ANKRD13C: variants seen among roughly 807,000 people sequenced by gnomAD.
ANKRD13C encodes ankyrin repeat domain 13C.
Under a neutral mutation model 65.5 loss-of-function variants are expected in ANKRD13C, and 16 were observed. The observed-to-expected ratio is 0.24, with a 90% CI of 0.17 to 0.37. The LOEUF (loss-of-function observed/expected upper bound fraction) is 0.37. Among genes scored for constraint, ANKRD13C ranks in the 10% least tolerant of loss-of-function variants. The probability of loss-of-function intolerance (pLI) is 1.00; values close to 1 mark genes in which losing one functional copy is unlikely to be tolerated. For missense variants in ANKRD13C, 503 were observed against 655.9 expected, an observed-to-expected ratio of 0.77 and a Z score of 2.55; for synonymous variants, 235 against 238.7, an observed-to-expected ratio of 0.98 and a Z score of 0.14.
At chr1:70,274,469 A>G (rs1188257795) in intron 11 of ANKRD13C, among the ~76,000 whole-genome samples, 3 of 128,378 alleles carry the variant, frequency 2.3e-5, no homozygotes, top group African/African-American at 7.0e-5. Flanking sequence ...GCAAGACTCC[A>G]TCTCAAAAAA....
In ANKRD13C at chr1:70,354,093, C is replaced by A; in HGVS notation, c.316G>T (p.Asp106Tyr). The change falls in exon 1 of 13, where the codon GAT becomes TAT. Residue 106 changes from aspartate to tyrosine, a missense_variant. Physicochemically the swap from Asp to Tyr is radical, Grantham distance 160. This residue lies in a region of ANKRD13C where 203 missense variants were observed against 177.6 expected (regional missense o/e 1.14). Transcript: ENST00000370944. ...TAGTGTGCGGGGCAACTGCCTCCAT[C>A]CGCGACGACAGCAACGGGGTTGGTG... ...AGTNPVAVVA[D>Y]GGSCPAHYPV... The A allele has an allele frequency of 6.2e-7, 1 of 1,612,350 alleles. No individual in the cohort carries two copies.
At chr1:70,344,991 GTTTC>G (rs1486701208) in intron 1 of ANKRD13C, among the ~76,000 whole-genome samples, 1 of 152,058 alleles carries the variant, frequency 6.6e-6, no homozygotes, top group African/African-American at 2.4e-5. Context: ...AATAAATTAT[GTTTC>G]TTTAATGTCT....
intron 10 of ANKRD13C, among the ~76,000 whole-genome samples, 192 bp downstream of exon 10, chr1:70,276,573 G>GGTA (rs1264469620): frequency 1.3e-5 from 2 of 152,230 alleles, no homozygotes; most frequent in Admixed American, 6.5e-5. Context: ...TTTGCAAAGA[G>GGTA]GGTACATAAT....
chr1:70,278,724 A>G (rs1679252327), intron 9 of ANKRD13C, among the ~76,000 whole-genome samples: 1 of 152,208 alleles, frequency 6.6e-6, no homozygotes, highest in South Asian at 2.1e-4. Context: ...TGAGCCATAT[A>G]TTAGAGTTGT....
intron 11 of ANKRD13C, among the ~76,000 whole-genome samples, chr1:70,271,428 C>A (rs1427966214): frequency 6.6e-6 from 1 of 152,078 alleles, no homozygotes; most frequent in Non-Finnish European, 1.5e-5. Flanking sequence ...AGTCATTATG[C>A]TATAATTTCT....
intron 12 of ANKRD13C, among the ~76,000 whole-genome samples, chr1:70,269,299 T>G (rs1307031270): frequency 3.3e-5 from 5 of 152,238 alleles, no homozygotes; most frequent in African/African-American, 1.2e-4. Context: ...CAGACTTTTT[T>G]CTTCTCATAT....
intron 12 of ANKRD13C, 107 bp from the exon 13 acceptor site, chr1:70,262,954 A>AAAC: frequency 1.1e-6 from 1 of 923,160 alleles, no homozygotes; most frequent in East Asian, 3.5e-5. Flanking sequence ...AAAAAAAAAA[A>AAAC]AAAAAATACT....
In ANKRD13C at chr1:70,316,665, A is replaced by T. The variant is rs114170107; in HGVS notation, c.578-1099T>A. On this transcript the variant is annotated intron_variant, in intron 3 of 12. Transcript: ENST00000370944. ...ACCACTGCACTCCAGCCTGGGTGAC[A>T]GAGCAAGACACTGTGCCTGTAATTA... Among the ~76,000 whole-genome samples the T allele has an allele frequency of 3.7e-3, 570 of 152,288 alleles. 4 individuals carry two copies. The highest frequency in any genetic ancestry group is 0.013 in the African/African-American group (521 of 41,574).
chr1:70,269,738 A>G (rs1678794666), intron 12 of ANKRD13C, among the ~76,000 whole-genome samples: 1 of 152,184 alleles, frequency 6.6e-6, no homozygotes, highest in South Asian at 2.1e-4. Flanking sequence ...TCAAAAAAAA[A>G]AAAAAAAGTC....
At chr1:70,267,514 C>T (rs1190173490) in intron 12 of ANKRD13C, among the ~76,000 whole-genome samples, 1 of 152,126 alleles carries the variant, frequency 6.6e-6, no homozygotes, top group African/African-American at 2.4e-5. Context: ...GCTGGGATTA[C>T]AGGGATGAGC....
At chr1:70,309,352 C>T (rs75207515) in intron 5 of ANKRD13C, among the ~76,000 whole-genome samples, 29,517 of 149,288 alleles carry the variant, frequency 0.2, 2,984 homozygotes, top group Middle Eastern at 0.29. Flanking sequence ...GGGATTACGG[C>T]GTGAGCCACT....
intron 2 of ANKRD13C, among the ~76,000 whole-genome samples, chr1:70,335,064 T>G (rs1269751089): frequency 2.6e-5 from 4 of 152,178 alleles, no homozygotes. Flanking sequence ...AAAAAAATCT[T>G]AACAGAAGTT....
chr1:70,340,354 C>G (rs7535744), intron 1 of ANKRD13C, among the ~76,000 whole-genome samples: 1,624 of 152,212 alleles, frequency 0.011, 28 homozygotes, highest in African/African-American at 0.037. Context: ...CCTAATATAT[C>G]TACCTTTTTA....
chr1:70,263,191 A>C (rs1678461950), intron 12 of ANKRD13C, among the ~76,000 whole-genome samples: 1 of 151,984 alleles, frequency 6.6e-6, no homozygotes, highest in Non-Finnish European at 1.5e-5. Flanking sequence ...TTGCATTCTG[A>C]CTTTTTTCTC....
rs140251294 is a variant in ANKRD13C at position 70,325,894 on chromosome 1, A to T, written c.473-937T>A. ...ATTCCATCTCAAAATAAAATAAAAT[A>T]AAAATTAAAAAATAAAAAGTTCACT... On this transcript the variant is annotated intron_variant, in intron 2 of 12. Transcript: ENST00000370944. 3.0e-3 allele frequency among the ~76,000 whole-genome samples: 454 copies of T among 151,900 alleles called. 5 individuals carry two copies. Among genetic ancestry groups the T allele is most frequent in the African/African-American group, 0.01 (432 of 41,444 alleles).
intron 2 of ANKRD13C, among the ~76,000 whole-genome samples, chr1:70,335,181 C>A (rs1478179118): frequency 2.6e-5 from 4 of 151,852 alleles, no homozygotes; most frequent in Non-Finnish European, 5.9e-5. Context: ...CCGAGGCAGG[C>A]GGATCATGAG....
At chr1:70,288,735 CAG>C (rs1679730828) in intron 9 of ANKRD13C, among the ~76,000 whole-genome samples, 1 of 152,072 alleles carries the variant, frequency 6.6e-6, no homozygotes, top group African/African-American at 2.4e-5. Context: ...GCATAAGGGA[CAG>C]AGAGAGGCTA....
chr1:70,261,300 T>C lies in ANKRD13C; in HGVS notation c.*1417A>G, dbSNP rs1434990281. 1 of 152,100 alleles carries C rather than the reference T, an allele frequency of 6.6e-6. No individual in the cohort carries two copies. Among genetic ancestry groups the C allele is most frequent in the Non-Finnish European group, 1.5e-5 (1 of 67,940 alleles). 9.4% of individuals were successfully genotyped at this position (152,100 alleles called of 1,614,324 possible). On this transcript the variant is annotated 3_prime_UTR_variant, in exon 13 of 13. Transcript: ENST00000370944. ...TTATGCTTTGGATTTTTAAATCATA[T>C]TTTCAATAAGGGTCTCTAAACTCCT...
At chr1:70,331,332 G>C (rs1681788619) in intron 2 of ANKRD13C, among the ~76,000 whole-genome samples, 1 of 152,008 alleles carries the variant, frequency 6.6e-6, no homozygotes, top group Non-Finnish European at 1.5e-5. Flanking sequence ...AGGCCGAGGT[G>C]GGTAAATCAT....
Sources: gnomAD v4.1 joint callset for allele counts (sites outside exome capture counted in the v4.1 genomes callset) on GRCh38, gnomAD v4.1.1 for gene constraint, gnomAD v4.1.1 regional missense constraint, MANE v1.5 for transcripts, NCBI Gene and HGNC (gene_info 2026-07-23, HGNC 2026-07-21) for gene names.